The following PLCG2 variants were observed in gnomAD, a reference collection of about 807,000 sequenced individuals.
The protein encoded by PLCG2 is 1-phosphatidylinositol 4,5-bisphosphate phosphodiesterase gamma-2.
In PLCG2, 69 loss-of-function variants were observed where a neutral mutation model predicts 175.6. The ratio of observed to expected loss-of-function variants is 0.39; its 90% confidence interval spans 0.32 to 0.48. The LOEUF is 0.48. Ranked by LOEUF, PLCG2 falls within the 20% of genes least tolerant of loss-of-function variation. PLCG2 has a pLI of 0.91. For synonymous variants in PLCG2, 827 were observed against 624.0 expected (o/e 1.33, Z -4.85); for missense variants, 1,798 against 1,650.9 (o/e 1.09, Z -1.54).
intron 1 of PLCG2, among the ~76,000 whole-genome samples, chr16:81,780,351 G>T (rs904694829): frequency 6.6e-6 from 1 of 152,210 alleles, no homozygotes; most frequent in Non-Finnish European, 1.5e-5. Flanking sequence ...GTTCCACGAG[G>T]TTCGCTGAGA....
chr16:81,760,363 T>G (rs1417677186), intron 2 of PLCG2, among the ~76,000 whole-genome samples: 1 of 152,254 alleles, frequency 6.6e-6, no homozygotes. Context: ...ACCAGGTGTT[T>G]CTGCCACTAC....
intron 22 of PLCG2, among the ~76,000 whole-genome samples, chr16:81,926,774 A>G: frequency 6.6e-6 from 1 of 152,194 alleles, no homozygotes; most frequent in East Asian, 1.9e-4. Flanking sequence ...ATAGGGGTGA[A>G]CTTTTGTCTT....
intron 19 of PLCG2, 86 bp downstream of exon 19, chr16:81,912,802 G>T (rs921078441): frequency 1.0e-4 from 146 of 1,442,050 alleles, no homozygotes; most frequent in Non-Finnish European, 1.3e-4. Flanking sequence ...TTCAGGTGGA[G>T]GCTCACCTGC....
intron 2 of PLCG2, among the ~76,000 whole-genome samples, chr16:81,853,576 C>T (rs1181821067): frequency 6.6e-6 from 1 of 152,170 alleles, no homozygotes; most frequent in Admixed American, 6.5e-5. Flanking sequence ...ATGCGTAGTT[C>T]ACCGTAGGGT....
chr16:81,883,236 G>A (rs1482580094), intron 8 of PLCG2, 33 bp from the exon 9 acceptor site: 2 of 1,599,732 alleles, frequency 1.3e-6, no homozygotes, highest in Non-Finnish European at 1.7e-6. Flanking sequence ...GAATGTGTCT[G>A]TCTCTAACTG....
chr16:81,862,137 T>A (rs1907012372), intron 5 of PLCG2, among the ~76,000 whole-genome samples: 1 of 152,204 alleles, frequency 6.6e-6, no homozygotes, highest in South Asian at 2.1e-4. Flanking sequence ...TTCCCTCCCT[T>A]TCCTGTCACC....
At chr16:81,744,207 C>T (rs2143049805) in intron 1 of PLCG2, among the ~76,000 whole-genome samples, 1 of 138,508 alleles carries the variant, frequency 7.2e-6, no homozygotes, top group Admixed American at 7.8e-5. Flanking sequence ...CTCACTCTGT[C>T]ACCAGGCTGG....
chr16:81,865,790 G>A (rs1907201001), intron 5 of PLCG2, among the ~76,000 whole-genome samples: 1 of 150,154 alleles, frequency 6.7e-6, no homozygotes, highest in Non-Finnish European at 1.5e-5. Flanking sequence ...CTTGCTCCCA[G>A]GATGGGCTCC....
chr16:81,825,560 G>T (rs1905013445), intron 2 of PLCG2, among the ~76,000 whole-genome samples: 1 of 152,142 alleles, frequency 6.6e-6, no homozygotes. Context: ...CTCCCAAAGT[G>T]CTGGGATTAT....
chr16:81,939,466 G>T (rs950233048), intron 29 of PLCG2, among the ~76,000 whole-genome samples: 1 of 152,234 alleles, frequency 6.6e-6, no homozygotes, highest in African/African-American at 2.4e-5. Context: ...GGCATTTATG[G>T]AGAGTGGCAG....
At chr16:81,791,569 TTTTG>T (rs960967194) in intron 2 of PLCG2, among the ~76,000 whole-genome samples, 5 of 152,098 alleles carry the variant, frequency 3.3e-5, no homozygotes, top group African/African-American at 7.2e-5. Flanking sequence ...TGGGATTATT[TTTTG>T]TTTGTTTGTT....
chr16:81,931,445 T>A, intron 24 of PLCG2, 52 bp from the exon 25 acceptor site: 1 of 1,578,400 alleles, frequency 6.3e-7, no homozygotes, highest in Non-Finnish European at 8.7e-7. Flanking sequence ...AGTCTGGTCT[T>A]TGTGGCCCTC....
At chr16:81,876,028 T>A (rs867551991) in intron 7 of PLCG2, among the ~76,000 whole-genome samples, 1,763 of 145,778 alleles carry the variant, frequency 0.012, 55 homozygotes, top group African/African-American at 0.043. Flanking sequence ...TTTTTTTTTT[T>A]TTTTTTTTTG....
intron 8 of PLCG2, among the ~76,000 whole-genome samples, chr16:81,882,724 C>A (rs1289581289): frequency 6.6e-6 from 1 of 151,932 alleles, no homozygotes; most frequent in South Asian, 2.1e-4. Flanking sequence ...TCTGCACCTC[C>A]TTCTTGCTCA....
intron 31 of PLCG2, among the ~76,000 whole-genome samples, chr16:81,946,987 A>G (rs1487166292): frequency 6.6e-6 from 1 of 152,136 alleles, no homozygotes; most frequent in African/African-American, 2.4e-5. Context: ...GGGGAAAGGG[A>G]ACCAGTGCTG....
chr16:81,906,570 T>G (rs1909378145), intron 15 of PLCG2, among the ~76,000 whole-genome samples: 2 of 152,180 alleles, frequency 1.3e-5, no homozygotes. Context: ...ACCACAGATG[T>G]GCACCACCAT....
chr16:81,843,355 AC>A (rs1372493338), intron 2 of PLCG2, among the ~76,000 whole-genome samples: 2 of 152,210 alleles, frequency 1.3e-5, no homozygotes, highest in African/African-American at 4.8e-5. Context: ...GTGCACACTT[AC>A]AAATAGGCAC....
chr16:81,882,647 C>T (rs1275065248), intron 8 of PLCG2, among the ~76,000 whole-genome samples: 1 of 152,004 alleles, frequency 6.6e-6, no homozygotes, highest in Non-Finnish European at 1.5e-5. Flanking sequence ...ACTCCTCTTT[C>T]TTTCCTCCCC....
intron 18 of PLCG2, 120 bp downstream of exon 18, chr16:81,910,840 C>T (rs1385368169): frequency 2.8e-5 from 26 of 913,780 alleles, no homozygotes; most frequent in Non-Finnish European, 3.3e-5. Context: ...CCCAGCCCAC[C>T]GGCATCTCAA....
Sources: gnomAD v4.1 joint callset for allele counts (sites outside exome capture counted in the v4.1 genomes callset) on GRCh38, gnomAD v4.1.1 for gene constraint, MANE v1.5 for transcripts, NCBI Gene and HGNC (gene_info 2026-07-23, HGNC 2026-07-21) for gene names.